CYP19A1: variants seen among roughly 807,000 people sequenced by gnomAD.
The protein encoded by CYP19A1 is aromatase.
A neutral mutation model predicts 44.4 loss-of-function variants in CYP19A1; 32 were observed. The observed-to-expected ratio is 0.72, with a 90% CI of 0.54 to 0.97. The LOEUF is 0.97. Among genes scored for constraint, CYP19A1 ranks in the 50% least tolerant of loss-of-function variants. CYP19A1 has a pLI of 0.00. For synonymous variants in CYP19A1, 212 were observed against 215.6 expected (o/e 0.98, Z 0.14); for missense variants, 598 against 637.8 (o/e 0.94, Z 0.67).
chr15:51,233,283 A>G (rs1049345489), intron 3 of CYP19A1, among the ~76,000 whole-genome samples: 1 of 152,216 alleles, frequency 6.6e-6, no homozygotes, highest in Admixed American at 6.5e-5. Flanking sequence ...CAGTTTCAGC[A>G]CTGAAAGTCC....
At chr15:51,252,430 T>C (rs747736957) in intron 1 of CYP19A1, among the ~76,000 whole-genome samples, 11 of 152,246 alleles carry the variant, frequency 7.2e-5, no homozygotes, top group Non-Finnish European at 1.6e-4. Flanking sequence ...CACTGACTGA[T>C]AGAAAGTTGT....
In CYP19A1 at chr15:51,210,611, T is replaced by C. The variant is rs1168236749; in HGVS notation, c.*197A>G. Reference sequence around the variant, plus strand: ...CTCTTGGCCTCTGCTTTTTCTCTTGTAGCCTGGTTCTCTGGTGTGAACAGG... The same window carrying C: ...CTCTTGGCCTCTGCTTTTTCTCTTGCAGCCTGGTTCTCTGGTGTGAACAGG... On this transcript the variant is annotated 3_prime_UTR_variant, in exon 10 of 10. Transcript: ENST00000396402. 6 of 711,204 alleles carry C rather than the reference T, an allele frequency of 8.4e-6. No individual in the cohort carries two copies. In the Admixed American group the frequency reaches 9.6e-5, roughly 11 times the overall value. 44.1% of individuals were successfully genotyped at this position (711,204 alleles called of 1,614,324 possible). A position where few individuals can be genotyped will look rare whatever the true frequency, so the allele number is the denominator to read the frequency against.
chr15:51,314,339 G>T lies in CYP19A1; in HGVS notation c.-39+24156C>A, dbSNP rs188440414. Among the ~76,000 whole-genome samples, 3 of 152,198 alleles carry T rather than the reference G, an allele frequency of 2.0e-5. No individual in the cohort carries two copies. In the South Asian group the frequency reaches 6.2e-4, roughly 32 times the overall value. On this transcript the variant is annotated intron_variant, in intron 1 of 9. Coordinates refer to ENST00000396402, the MANE Select transcript of CYP19A1 (RefSeq NM_000103.4). ...AAAAGTATTGATTTTGGGAAAGAGG[G>T]ACTTTTTGCCTTTATCATGGTGGAA... is the stretch of plus-strand genomic sequence containing the variant.
chr15:51,327,876 A>G (rs1261562299), intron 1 of CYP19A1, among the ~76,000 whole-genome samples: 1 of 148,448 alleles, frequency 6.7e-6, no homozygotes, highest in South Asian at 2.1e-4. Context: ...CCCAAAATTC[A>G]TAATATAAAA....
intron 7 of CYP19A1, 33 bp downstream of exon 7, chr15:51,215,670 G>C (rs1213998668): frequency 6.2e-7 from 1 of 1,613,234 alleles, no homozygotes; most frequent in Admixed American, 1.7e-5. Context: ...TAACATATGT[G>C]GCATGGGAAT....
chr15:51,310,776 A>G (rs2036296295), intron 1 of CYP19A1, among the ~76,000 whole-genome samples: 1 of 152,222 alleles, frequency 6.6e-6, no homozygotes, highest in Non-Finnish European at 1.5e-5. Flanking sequence ...GGACCAGGAA[A>G]AGGAGCTGGT....
At chr15:51,282,334 G>A (rs149877699) in intron 1 of CYP19A1, among the ~76,000 whole-genome samples, 11 of 152,234 alleles carry the variant, frequency 7.2e-5, no homozygotes, top group African/African-American at 2.4e-4. Context: ...AACCCCTCGT[G>A]GCCTCTGGAA....
chr15:51,279,355 C>T (rs1024709575), intron 1 of CYP19A1, among the ~76,000 whole-genome samples: 6 of 152,152 alleles, frequency 3.9e-5, no homozygotes, highest in African/African-American at 1.4e-4. Flanking sequence ...GATGGGAGCC[C>T]AGCAGGAAGA....
At chr15:51,262,557 A>G (rs1257252233) in intron 1 of CYP19A1, among the ~76,000 whole-genome samples, 1 of 152,162 alleles carries the variant, frequency 6.6e-6, no homozygotes, top group East Asian at 1.9e-4. Context: ...TACTGCTGAC[A>G]GTTAGTCTTC....
At chr15:51,211,419 C>T (rs892741880) in intron 9 of CYP19A1, among the ~76,000 whole-genome samples, 7 of 152,172 alleles carry the variant, frequency 4.6e-5, no homozygotes, top group Non-Finnish European at 1.0e-4. Context: ...TTTTGTGTGA[C>T]ACCATATAAG....
At chr15:51,254,063 G>A (rs1595725201) in intron 1 of CYP19A1, among the ~76,000 whole-genome samples, 1 of 152,280 alleles carries the variant, frequency 6.6e-6, no homozygotes, top group East Asian at 1.9e-4. Context: ...GTTGATGAGG[G>A]ACAATACAGG....
At chr15:51,267,911 G>A (rs2034987931) in intron 1 of CYP19A1, among the ~76,000 whole-genome samples, 1 of 152,160 alleles carries the variant, frequency 6.6e-6, no homozygotes, top group South Asian at 2.1e-4. Context: ...GCCACAACTG[G>A]TTGGCACTAG....
chr15:51,327,043 T>G (rs1308754325), intron 1 of CYP19A1, among the ~76,000 whole-genome samples: 4 of 148,866 alleles, frequency 2.7e-5, no homozygotes, highest in Non-Finnish European at 6.0e-5. Flanking sequence ...CCAATGACTC[T>G]GCATGCACCA....
At position 51,215,191 on chromosome 15, in the gene CYP19A1, T is replaced by C. The variant is rs763044967; in HGVS notation, c.900A>G (p.Ile300Met). 4 of 1,613,964 alleles carry C rather than the reference T, an allele frequency of 2.5e-6. No individual in the cohort carries two copies. The highest frequency in any genetic ancestry group is 2.5e-6 in the Non-Finnish European group (3 of 1,179,986). The change falls in exon 8 of 10, where the codon ATA (isoleucine) becomes ATG (methionine). Residue 300 changes from isoleucine (I) to methionine (M), a missense_variant. Ile to Met is a conservative substitution (Grantham distance 10). Coordinates refer to ENST00000396402, the MANE Select transcript of CYP19A1 (RefSeq NM_000103.4). ...DLTRENVNQC[I>M]LEMLIAAPDT... The stretch of plus-strand genomic sequence containing the variant: ...CAGGAGCTGCGATCAGCATTTCCAA[T>C]ATGCACTGGTTCACATTCTCTCTTG...
intron 1 of CYP19A1, among the ~76,000 whole-genome samples, chr15:51,259,430 G>A (rs1438470001): frequency 6.6e-6 from 1 of 152,162 alleles, no homozygotes; most frequent in Non-Finnish European, 1.5e-5. Flanking sequence ...GGGGATTTGG[G>A]GGAGTGAATC....
chr15:51,267,477 C>T (rs1360002918), intron 1 of CYP19A1, among the ~76,000 whole-genome samples: 1 of 152,226 alleles, frequency 6.6e-6, no homozygotes, highest in Non-Finnish European at 1.5e-5. Context: ...GGCCGACCCT[C>T]ACAGGCGACC....
Position 51,277,378 on chromosome 15 carries a change from C to T in CYP19A1, c.-38-34428G>A, listed in dbSNP as rs140355146. 5.3e-4 allele frequency: 80 copies of T among 152,276 alleles called. No individual in the cohort carries two copies. The East Asian group carries it at 0.013, about 25-fold the overall frequency. The allele number at this position is 152,276 out of a possible 1,614,324, so 9.4% of individuals were successfully genotyped here. On this transcript the variant is annotated intron_variant, in intron 1 of 9. Coordinates refer to ENST00000396402, the MANE Select transcript of CYP19A1 (RefSeq NM_000103.4). ...CTGGAAAGACATTTAAGTCTTCAATCCCTGGGTACCTGAAAAAAGCAAACA... is the reference window on the plus strand; with the variant it reads ...CTGGAAAGACATTTAAGTCTTCAATTCCTGGGTACCTGAAAAAAGCAAACA...
intron 1 of CYP19A1, among the ~76,000 whole-genome samples, chr15:51,306,816 G>A (rs539743545): frequency 6.6e-6 from 1 of 152,342 alleles, no homozygotes; most frequent in East Asian, 1.9e-4. Context: ...CTAAGGAGGA[G>A]GGAAATTATC....
intron 1 of CYP19A1, among the ~76,000 whole-genome samples, chr15:51,250,368 A>G (rs1473854237): frequency 1.3e-5 from 2 of 152,194 alleles, no homozygotes; most frequent in African/African-American, 4.8e-5. Context: ...CTTTCTTCAC[A>G]ATGACTTATT....
Sources: gnomAD v4.1 joint callset for allele counts (sites outside exome capture counted in the v4.1 genomes callset) on GRCh38, gnomAD v4.1.1 for gene constraint, MANE v1.5 for transcripts, NCBI Gene and HGNC (gene_info 2026-07-23, HGNC 2026-07-21) for gene names.